The following ETFRF1 variants were observed in gnomAD, a reference collection of about 807,000 sequenced individuals.
The protein encoded by ETFRF1 is electron transfer flavoprotein regulatory factor 1, also known as LYR motif containing 5.
A neutral mutation model predicts 9.0 loss-of-function variants in ETFRF1; 12 were observed. That is an observed-to-expected ratio of 1.34 (90% CI 0.86 to 2.16). The LOEUF (loss-of-function observed/expected upper bound fraction) is 2.16. ETFRF1 is among the 30% of genes most tolerant of loss of function. ETFRF1 has a pLI of 0.00. For synonymous variants in ETFRF1, 34 were observed against 33.2 expected (o/e 1.02, Z -0.08); for missense variants, 98 against 101.8 (o/e 0.96, Z 0.16).
At chr12:25,199,484 AATATATTTTT>A (rs775202411) in intron 1 of ETFRF1, among the ~76,000 whole-genome samples, 8 of 150,716 alleles carry the variant, frequency 5.3e-5, no homozygotes, top group Non-Finnish European at 1.2e-4. Context: ...TATATATTTT[AATATATTTTT>A]GCAAGTAATA....
At chr12:25,201,857 T>C (rs1168223444) in intron 1 of ETFRF1, among the ~76,000 whole-genome samples, 2 of 151,996 alleles carry the variant, frequency 1.3e-5, no homozygotes, top group Non-Finnish European at 2.9e-5. Context: ...GGTACTGTAA[T>C]TTTAATCCAC....
At chr12:25,201,561 A>G (rs930597472) in intron 1 of ETFRF1, among the ~76,000 whole-genome samples, 1 of 152,186 alleles carries the variant, frequency 6.6e-6, no homozygotes, top group African/African-American at 2.4e-5. Context: ...CTTTTGTTTC[A>G]TAACTTGAAT....
chr12:25,204,282 C>CTA lies in ETFRF1; in HGVS notation c.245_246dup (p.Tyr83IlefsTer31), dbSNP rs749123150. 6.3e-7 allele frequency: 1 copy of CTA among 1,584,526 alleles called. No homozygotes were observed. Among genetic ancestry groups the CTA allele is most frequent in the Non-Finnish European group, 8.5e-7 (1 of 1,171,158 alleles). Reference sequence around the variant, plus strand: ...GGAAATACAGAGCTATGAAACAACGCTATTATTCAGATACCAACAAAACTA... The same window carrying CTA: ...GGAAATACAGAGCTATGAAACAACGCTATATTATTCAGATACCAACAAAACTA... On this transcript the variant is annotated frameshift_variant, in exon 3 of 3. Transcript: ENST00000381356.
chr12:25,204,280 CG>C lies in ETFRF1; in HGVS notation c.242del (p.Arg81ProfsTer32), dbSNP rs758037666. ...FLRKYRAMKQ[R>X]YYSDTNKTN Reference sequence around the variant, plus strand: ...TAGGAAATACAGAGCTATGAAACAACGCTATTATTCAGATACCAACAAAACT... The same window carrying C: ...TAGGAAATACAGAGCTATGAAACAACCTATTATTCAGATACCAACAAAACT... On this transcript the variant is annotated frameshift_variant, in exon 3 of 3. Coordinates refer to ENST00000381356, the MANE Select transcript of ETFRF1 (RefSeq NM_001001660.3). 6.3e-7 allele frequency: 1 copy of C among 1,584,428 alleles called. No homozygotes were observed. Among genetic ancestry groups the C allele is most frequent in the Non-Finnish European group, 8.5e-7 (1 of 1,171,126 alleles).
chr12:25,203,775 A>G (rs12298887), intron 1 of ETFRF1, 145 bp from the exon 2 acceptor site: 15,082 of 479,794 alleles, frequency 0.031, 1,770 homozygotes, highest in African/African-American at 0.27. Flanking sequence ...GTTTATAACT[A>G]TATCCCAGTA....
chr12:25,204,290 C>A lies in ETFRF1; in HGVS notation c.251C>A (p.Ser84Ter). The A allele has an allele frequency of 6.3e-7, 1 of 1,579,342 alleles. No homozygotes were observed. The highest frequency in any genetic ancestry group is 8.6e-7 in the Non-Finnish European group (1 of 1,168,574). The change falls in exon 3 of 3, where the codon TCA (serine) becomes TAA (stop). Residue 84 changes from serine (S) to a stop codon, truncating the protein, a stop_gained. Transcript: ENST00000381356. LOFTEE classifies it high-confidence loss of function. ...AGAGCTATGAAACAACGCTATTATT[C>A]AGATACCAACAAAACTAATTGATCA... ...KYRAMKQRYYSDTNKTN is the reference protein window; with the variant it reads ...KYRAMKQRYY
chr12:25,198,681 C>T (rs1951050802), intron 1 of ETFRF1, among the ~76,000 whole-genome samples: 1 of 152,096 alleles, frequency 6.6e-6, no homozygotes, highest in Non-Finnish European at 1.5e-5. Context: ...ACATAATATG[C>T]TTGTTATGTG....
At chr12:25,196,076 C>T (rs969487209) in intron 1 of ETFRF1, 1 of 152,200 alleles carries the variant, frequency 6.6e-6, no homozygotes, top group East Asian at 1.9e-4. Flanking sequence ...TGCTCTATCC[C>T]TTCCAGTGTT....
intron 1 of ETFRF1, among the ~76,000 whole-genome samples, chr12:25,198,312 C>G (rs1199854035): frequency 6.6e-6 from 1 of 152,072 alleles, no homozygotes; most frequent in Non-Finnish European, 1.5e-5. Flanking sequence ...CTGGAAGACT[C>G]AACTCTGAGG....
At chr12:25,199,647 C>CACACACACACACACACA (rs1555191128) in intron 1 of ETFRF1, among the ~76,000 whole-genome samples, 1 of 149,426 alleles carries the variant, frequency 6.7e-6, no homozygotes, top group Non-Finnish European at 1.5e-5. Context: ...CACACACACA[C>CACACACACACACACACA]AATGAAGCCA....
chr12:25,202,829 G>A (rs186318277), intron 1 of ETFRF1, among the ~76,000 whole-genome samples: 6 of 152,226 alleles, frequency 3.9e-5, no homozygotes, highest in African/African-American at 1.4e-4. Flanking sequence ...CTGTAGTATT[G>A]GAATTGAATG....
rs759649708 is a variant in ETFRF1, at chr12:25,203,913, T to C, written c.-37-7T>C. 2.0e-5 allele frequency: 28 copies of C among 1,384,710 alleles called. No individual in the cohort carries two copies. The highest frequency in any genetic ancestry group is 2.5e-5 in the Non-Finnish European group (26 of 1,060,370). 85.8% of individuals were successfully genotyped at this position (1,384,710 alleles called of 1,614,324 possible). Reference sequence around the variant, plus strand: ...AGCTAATTGCAAAAAAATTTTCCTTTCTTTAGGTATGTTATGCATAAAAGT... The same window carrying C: ...AGCTAATTGCAAAAAAATTTTCCTTCCTTTAGGTATGTTATGCATAAAAGT... On this transcript the variant is annotated splice_region_variant and splice_polypyrimidine_tract_variant and intron_variant, in intron 1 of 2. Coordinates refer to ENST00000381356, the MANE Select transcript of ETFRF1 (RefSeq NM_001001660.3).
At position 25,203,932 on chromosome 12, in the gene ETFRF1, TAA is replaced by T; in HGVS notation, c.-22_-21del. ...TTCCTTTCTTTAGGTATGTTATGCA[TAA>T]AAGTGGATAATTTACATGATAAATG... On this transcript the variant is annotated 5_prime_UTR_variant, in exon 2 of 3. It introduces an in-frame stop codon into an upstream open reading frame of the 5' UTR. Transcript: ENST00000381356. 7.0e-7 allele frequency: 1 copy of T among 1,436,662 alleles called. No homozygotes were observed. The highest frequency in any genetic ancestry group is 1.4e-5 in the African/African-American group (1 of 69,400). 89.0% of individuals were successfully genotyped at this position (1,436,662 alleles called of 1,614,324 possible). A position where few individuals can be genotyped will look rare whatever the true frequency, so the allele number is the denominator to read the frequency against.
At chr12:25,197,529 A>G (rs544974644) in intron 1 of ETFRF1, among the ~76,000 whole-genome samples, 1 of 152,294 alleles carries the variant, frequency 6.6e-6, no homozygotes, top group African/African-American at 2.4e-5. Flanking sequence ...TGGTGGAACA[A>G]TCACGGCTCA....
chr12:25,198,771 C>T (rs1951051571), intron 1 of ETFRF1, among the ~76,000 whole-genome samples: 1 of 152,074 alleles, frequency 6.6e-6, no homozygotes. Context: ...AAAGAGGAGC[C>T]AGAAAAGCAG....
intron 1 of ETFRF1, 53 bp from the exon 2 acceptor site, chr12:25,203,864 TTTA>T (rs1209854395): frequency 9.9e-7 from 1 of 1,005,524 alleles, no homozygotes; most frequent in Non-Finnish European, 1.4e-6. Flanking sequence ...ATAACCTTTT[TTTA>T]TTTTTTTAAG....
intron 1 of ETFRF1, 127 bp downstream of exon 1, chr12:25,195,464 C>A: frequency 2.4e-6 from 1 of 413,518 alleles, no homozygotes; most frequent in South Asian, 2.4e-5. Flanking sequence ...CTGACGTTGA[C>A]GGTTTATTTC....
At chr12:25,199,935 C>T (rs530464693) in intron 1 of ETFRF1, among the ~76,000 whole-genome samples, 5 of 152,234 alleles carry the variant, frequency 3.3e-5, no homozygotes, top group African/African-American at 9.6e-5. Context: ...AAAGGCTGGG[C>T]GCAGAGGCAC....
Position 25,204,547 on chromosome 12 carries a change from G to A in ETFRF1, c.*235G>A. The A allele has an allele frequency of 3.0e-6, 1 of 335,660 alleles. No homozygotes were observed. Among genetic ancestry groups the A allele is most frequent in the Non-Finnish European group, 5.3e-6 (1 of 187,704 alleles). The allele number at this position is 335,660 out of a possible 1,614,324, so 20.8% of individuals were successfully genotyped here. ...TATACTACCGATCATAAATTAATGA[G>A]CACCCAATTTTGAATGAAAATATAA... On this transcript the variant is annotated 3_prime_UTR_variant, in exon 3 of 3. Coordinates refer to ENST00000381356, the MANE Select transcript of ETFRF1 (RefSeq NM_001001660.3).
Sources: gnomAD v4.1 joint callset for allele counts (sites outside exome capture counted in the v4.1 genomes callset) on GRCh38, gnomAD v4.1.1 for gene constraint, MANE v1.5 for transcripts, NCBI Gene and HGNC (gene_info 2026-07-23, HGNC 2026-07-21) for gene names.